The following TMC5 variants were observed in gnomAD, a reference collection of about 807,000 sequenced individuals.
TMC5 encodes transmembrane channel-like protein 5.
Under a neutral mutation model 110.5 loss-of-function variants are expected in TMC5, and 86 were observed. That is an observed-to-expected ratio of 0.78 (90% CI 0.65 to 0.93). The LOEUF (loss-of-function observed/expected upper bound fraction) is 0.93. TMC5 is among the 40% of genes least tolerant of loss of function. The pLI, the probability that TMC5 is intolerant of heterozygous loss-of-function variation, is 0.00. For missense variants in TMC5, 1,144 were observed against 1,222.8 expected, an observed-to-expected ratio of 0.94 and a Z score of 0.96; for synonymous variants, 455 against 439.5, an observed-to-expected ratio of 1.04 and a Z score of -0.44.
At chr16:19,455,818 A>T (rs1214056439) in intron 5 of TMC5, among the ~76,000 whole-genome samples, 1 of 152,204 alleles carries the variant, frequency 6.6e-6, no homozygotes, top group Non-Finnish European at 1.5e-5. Flanking sequence ...AGAGCCAGAC[A>T]AATAGCAGAG....
chr16:19,490,415 G>A lies in TMC5; in HGVS notation c.2594G>A (p.Cys865Tyr). 1.2e-6 allele frequency: 2 copies of A among 1,614,158 alleles called. No individual in the cohort carries two copies. Among genetic ancestry groups the A allele is most frequent in the Non-Finnish European group, 1.7e-6 (2 of 1,180,028 alleles). The change falls in exon 18 of 22, where the codon TGT becomes TAT. Residue 865 changes from cysteine to tyrosine, a missense_variant. Cys to Tyr is a radical substitution (Grantham distance 194). Transcript: ENST00000542583. ...ACCAGATTGAAGCCTTCAGCTGACT[G>A]TGGCCCTTTTCGAGGTCTGCCTCTC... ...TIWRLKPSAD[C>Y]GPFRGLPLFI...
intron 12 of TMC5, 100 bp from the exon 13 acceptor site, chr16:19,477,340 C>T (rs1032310919): frequency 1.1e-6 from 1 of 887,252 alleles, no homozygotes; most frequent in Non-Finnish European, 1.9e-6. Context: ...CCACAGGGGC[C>T]AGGAATTTCT....
chr16:19,457,061 G>A lies in TMC5; in HGVS notation c.1049-3174G>A. 5 of 1,513,090 alleles carry A rather than the reference G, an allele frequency of 3.3e-6. No individual in the cohort carries two copies. The South Asian group carries it at 4.8e-5, about 15-fold the overall frequency. The allele number at this position is 1,513,090 out of a possible 1,614,324, so 93.7% of individuals were successfully genotyped here. On this transcript the variant is annotated intron_variant, in intron 5 of 21. Coordinates refer to ENST00000542583, the MANE Select transcript of TMC5 (RefSeq NM_001261841.2). Reference sequence around the variant, plus strand: ...GAGAAGTAGGGGAGTAGGAAAAAAGGCTTCCTCGTTGTCCACAGCATATTT... The same window carrying A: ...GAGAAGTAGGGGAGTAGGAAAAAAGACTTCCTCGTTGTCCACAGCATATTT...
chr16:19,415,639 C>T (rs943919623), upstream of TMC5, among the ~76,000 whole-genome samples: 5 of 152,138 alleles, frequency 3.3e-5, no homozygotes, highest in Admixed American at 6.5e-5. Flanking sequence ...GCTCGTTTGG[C>T]GCAGCTCCAC....
At chr16:19,494,763 T>C (rs1263330455) in intron 20 of TMC5, among the ~76,000 whole-genome samples, 4 of 152,040 alleles carry the variant, frequency 2.6e-5, no homozygotes, top group African/African-American at 7.2e-5. Context: ...GCCAAAATCA[T>C]GCCACTGCAC....
intron 5 of TMC5, among the ~76,000 whole-genome samples, chr16:19,457,709 C>CTATTTTTTT (rs1967916213): frequency 2.3e-5 from 1 of 43,906 alleles, no homozygotes; most frequent in Admixed American, 4.4e-4. Context: ...AGACTACATT[C>CTATTTTTTT]TTTTTTTTTT....
intron 1 of TMC5, among the ~76,000 whole-genome samples, chr16:19,429,081 C>T (rs1005593029): frequency 1.3e-5 from 2 of 152,190 alleles, no homozygotes; most frequent in Non-Finnish European, 2.9e-5. Flanking sequence ...CCATCTCAGC[C>T]TCCCAAAGTG....
intron 5 of TMC5, among the ~76,000 whole-genome samples, chr16:19,456,216 A>AAT (rs1555482938): frequency 0.01 from 1,487 of 148,674 alleles, 13 homozygotes; most frequent in Middle Eastern, 0.018. Context: ...CAAAAAAAAA[A>AAT]ATATATATAT....
At chr16:19,490,668 G>A in intron 18 of TMC5, 100 bp downstream of exon 18, 1 of 1,191,314 alleles carries the variant, frequency 8.4e-7, no homozygotes, top group Non-Finnish European at 1.2e-6. Context: ...CTATAGCATA[G>A]CTCAGTGTTC....
At chr16:19,478,409 C>A (rs1968537791) in intron 13 of TMC5, among the ~76,000 whole-genome samples, 1 of 152,212 alleles carries the variant, frequency 6.6e-6, no homozygotes, top group Non-Finnish European at 1.5e-5. Flanking sequence ...CAAAATCAGC[C>A]CTCCAAGTTA....
Position 19,487,339 on chromosome 16 carries a change from G to T in TMC5, c.2573+13G>T, listed in dbSNP as rs746613084. ...TCACCATCTGGAGGTAGGAGAAGGT[G>T]GCCTTGGGGGAGGTTTTAGAGACTG... On this transcript the variant is annotated intron_variant, in intron 17 of 21. Transcript: ENST00000542583. The T allele has an allele frequency of 6.2e-7, 1 of 1,608,512 alleles. No individual in the cohort carries two copies. The highest frequency in any genetic ancestry group is 1.7e-5 in the Admixed American group (1 of 58,548).
intron 13 of TMC5, among the ~76,000 whole-genome samples, chr16:19,478,780 A>G (rs1341450030): frequency 1.3e-5 from 2 of 151,812 alleles, no homozygotes; most frequent in Admixed American, 1.3e-4. Context: ...CTATATACCC[A>G]TCTATCCACT....
Position 19,440,542 on chromosome 16 carries a change from C to A in TMC5, c.504C>A (p.Ser168Arg), listed in dbSNP as rs1190837265. The change falls in exon 3 of 22, where the codon AGC becomes AGA. Residue 168 changes from serine to arginine, a missense_variant. Physicochemically the swap from Ser to Arg is moderately radical, Grantham distance 110. Transcript: ENST00000542583. ...AACCGGACTACCCTGGAGCTCAGAG[C>A]AACTCTGATCATCCTGGACCCAGAG... ...SLEPDYPGAQSNSDHPGPRAN... is the reference protein window; with the variant it reads ...SLEPDYPGAQRNSDHPGPRAN... 1.2e-6 allele frequency: 2 copies of A among 1,614,190 alleles called. No homozygotes were observed. Among genetic ancestry groups the A allele is most frequent in the Non-Finnish European group, 1.7e-6 (2 of 1,180,024 alleles).
chr16:19,436,587 A>G (rs12921675), intron 2 of TMC5, among the ~76,000 whole-genome samples: 121,160 of 152,214 alleles, frequency 0.8, 48,343 homozygotes, highest in South Asian at 0.91. Flanking sequence ...CAGACAGTTT[A>G]TATAGGTGTT....
Position 19,487,194 on chromosome 16 carries a change from T to A in TMC5, c.2441T>A (p.Ile814Asn). ...MLFIMFYSKNISLMMNFQPPS... is the reference protein window; with the variant it reads ...MLFIMFYSKNNSLMMNFQPPS... ...AGGTGGCTGCCTCTCTCTCTTCAGA[T>A]CAGCCTGATGATGAATTTCCAGCCT... Residue 814 changes from isoleucine to asparagine, a missense_variant and splice_region_variant, in exon 17 of 22, where the codon ATC becomes AAC. Transcript: ENST00000542583. The A allele has an allele frequency of 6.2e-7, 1 of 1,611,960 alleles. No individual in the cohort carries two copies. Among genetic ancestry groups the A allele is most frequent in the South Asian group, 1.1e-5 (1 of 90,696 alleles).
At chr16:19,482,439 C>T (rs1407157970) in intron 15 of TMC5, among the ~76,000 whole-genome samples, 1 of 152,190 alleles carries the variant, frequency 6.6e-6, no homozygotes, top group Non-Finnish European at 1.5e-5. Context: ...TATATTTAAA[C>T]TTCAGGAGAT....
At chr16:19,487,351 GGTTTTAGAGACTGGGTGGATGGGTGTGT>G in intron 17 of TMC5, 25 bp downstream of exon 17, 1 of 1,604,868 alleles carries the variant, frequency 6.2e-7, no homozygotes, top group South Asian at 1.1e-5. Flanking sequence ...CCTTGGGGGA[GGTTTTAGAGACTGGGTGGATGGGTGTGT>G]GTTTTAAAAC....
intron 8 of TMC5, 91 bp from the exon 9 acceptor site, chr16:19,465,991 T>A: frequency 7.2e-7 from 1 of 1,389,572 alleles, no homozygotes; most frequent in Non-Finnish European, 9.8e-7. Flanking sequence ...CCAGGCTTCT[T>A]GTATTCAGGA....
rs1269896949 is a variant in TMC5, at chr16:19,457,717, T to TC, written c.1049-2518_1049-2517insC. 1.2e-4 allele frequency among the ~76,000 whole-genome samples: 10 copies of TC among 80,902 alleles called. No individual in the cohort carries two copies. In the East Asian group the frequency reaches 1.6e-3, roughly 13 times the overall value. 53.1% of individuals were successfully genotyped at this position (80,902 alleles called of 152,430 possible). A position where few individuals can be genotyped will look rare whatever the true frequency, so the allele number is the denominator to read the frequency against. On this transcript the variant is annotated intron_variant, in intron 5 of 21. Coordinates refer to ENST00000542583, the MANE Select transcript of TMC5 (RefSeq NM_001261841.2). The stretch of plus-strand genomic sequence containing the variant: ...ATTCCCAAGACTACATTCTTTTTTT[T>TC]TTTTTTTTTTTTTTTTTTTTTTTTT...
Sources: allele counts gnomAD v4.1 joint callset (sites outside exome capture counted in the v4.1 genomes callset), GRCh38; gene constraint gnomAD v4.1.1; transcripts MANE v1.5; gene names NCBI Gene and HGNC (gene_info 2026-07-23, HGNC 2026-07-21).